Variants in ZNF793 observed in about 807,000 individuals in gnomAD.
ZNF793 encodes zinc finger protein 793.
ZNF793 carries 5 observed loss-of-function variants against 12.4 expected under a neutral mutation model. The ratio of observed to expected loss-of-function variants is 0.40; its 90% confidence interval spans 0.21 to 0.84. The LOEUF (loss-of-function observed/expected upper bound fraction) is 0.84, where lower values mean the gene tolerates loss of function less well. Among genes scored for constraint, ZNF793 ranks in the 40% least tolerant of loss-of-function variants. The pLI, the probability that ZNF793 is intolerant of heterozygous loss-of-function variation, is 0.35. For missense variants in ZNF793, 456 were observed against 495.0 expected (o/e 0.92, Z 0.75); for synonymous variants, 162 against 172.4 (o/e 0.94, Z 0.47).
intron 2 of ZNF793, among the ~76,000 whole-genome samples, chr19:37,509,788 A>C (rs928131037): frequency 6.6e-6 from 1 of 152,208 alleles, no homozygotes; most frequent in African/African-American, 2.4e-5. Context: ...AGCTCAATGA[A>C]TTGTCACAAG....
intron 5 of ZNF793, among the ~76,000 whole-genome samples, chr19:37,526,578 G>A (rs986438116): frequency 6.6e-6 from 1 of 152,194 alleles, no homozygotes; most frequent in African/African-American, 2.4e-5. Flanking sequence ...GTGTTGTTCT[G>A]GCATCAGGGA....
In ZNF793 at chr19:37,526,627, A is replaced by G. The variant is rs192838398; in HGVS notation, c.15+3173A>G. 2.4e-4 allele frequency among the ~76,000 whole-genome samples: 37 copies of G among 152,236 alleles called. No individual in the cohort carries two copies. In the East Asian group the frequency reaches 5.2e-3, roughly 22 times the overall value. The stretch of plus-strand genomic sequence containing the variant: ...GCACCCCCTGTGCGCTGTGCCCTCT[A>G]TGTGAGTCTTAGTGTGTCATGTGCC... On this transcript the variant is annotated intron_variant, in intron 5 of 7. Transcript: ENST00000627814.
At position 37,536,953 on chromosome 19, in the gene ZNF793, C is replaced by G; in HGVS notation, c.295C>G (p.Pro99Ala). 1 of 1,613,394 alleles carries G rather than the reference C, an allele frequency of 6.2e-7. No homozygotes were observed. Among genetic ancestry groups the G allele is most frequent in the South Asian group, 1.1e-5 (1 of 90,828 alleles). ...AAGACGGCAAGACATGCTTTTGAGG[C>G]CAGGCGCAGCCATAAGCAAGAAAAC... is the stretch of plus-strand genomic sequence containing the variant. ...RKRRQDMLLR[P>A]GAAISKKTLP... Residue 99 changes from proline to alanine, a missense_variant, in exon 8 of 8, where the codon CCA (proline) becomes GCA (alanine). Transcript: ENST00000627814.
intron 2 of ZNF793, among the ~76,000 whole-genome samples, chr19:37,516,345 G>A (rs531673121): frequency 2.6e-5 from 4 of 152,210 alleles, no homozygotes; most frequent in African/African-American, 9.6e-5. Flanking sequence ...ATGTCAGTCA[G>A]GCTGGTCTCA....
intron 2 of ZNF793, among the ~76,000 whole-genome samples, chr19:37,511,033 T>G (rs1600403218): frequency 6.6e-6 from 1 of 152,126 alleles, no homozygotes; most frequent in East Asian, 2.0e-4. Context: ...ATAATACACA[T>G]GTAGTGAAGT....
At position 37,520,390 on chromosome 19, in the gene ZNF793, T is replaced by G. The variant is rs913956154; in HGVS notation, c.-147+78T>G. The G allele has an allele frequency of 3.3e-5, 5 of 152,330 alleles. 1 individual carries two copies. The highest frequency in any genetic ancestry group is 3.4e-3 in the Middle Eastern group (1 of 294). 9.4% of individuals were successfully genotyped at this position (152,330 alleles called of 1,614,324 possible). A position where few individuals can be genotyped will look rare whatever the true frequency, so the allele number is the denominator to read the frequency against. On this transcript the variant is annotated intron_variant, in intron 3 of 7. Coordinates refer to ENST00000627814, the MANE Select transcript of ZNF793 (RefSeq NM_001013659.3). ...AGACACTGTCCAGGAGAAGGGAACTTGGGATGAAAATTCCCTTCTGAAGGA... is the reference window on the plus strand; with the variant it reads ...AGACACTGTCCAGGAGAAGGGAACTGGGGATGAAAATTCCCTTCTGAAGGA...
At chr19:37,514,657 C>CT (rs926694620) in intron 2 of ZNF793, among the ~76,000 whole-genome samples, 31 of 147,366 alleles carry the variant, frequency 2.1e-4, no homozygotes, top group Admixed American at 5.4e-4. Flanking sequence ...TTACCCAACC[C>CT]TTTTTTTTTT....
Position 37,537,996 on chromosome 19 carries a change from C to T in ZNF793, c.*117C>T. On this transcript the variant is annotated 3_prime_UTR_variant, in exon 8 of 8. Transcript: ENST00000627814. Reference sequence around the variant, plus strand: ...GCGCGATCTCGGCTTACTGCAAGCTCTGCCTCCCGGGTTCACGCCATTCTC... The same window carrying T: ...GCGCGATCTCGGCTTACTGCAAGCTTTGCCTCCCGGGTTCACGCCATTCTC... 2 of 1,273,538 alleles carry T rather than the reference C, an allele frequency of 1.6e-6. No homozygotes were observed. Among genetic ancestry groups the T allele is most frequent in the East Asian group, 2.6e-5 (1 of 38,698 alleles). 78.9% of individuals were successfully genotyped at this position (1,273,538 alleles called of 1,614,324 possible).
chr19:37,524,632 T>A (rs1336566917), intron 5 of ZNF793, among the ~76,000 whole-genome samples: 2 of 152,162 alleles, frequency 1.3e-5, no homozygotes, highest in Non-Finnish European at 2.9e-5. Context: ...TTTTTGAAGG[T>A]GTTTTCCAAG....
At chr19:37,520,862 T>G (rs893516190) in intron 3 of ZNF793, among the ~76,000 whole-genome samples, 31 of 152,190 alleles carry the variant, frequency 2.0e-4, no homozygotes, top group African/African-American at 7.5e-4. Flanking sequence ...GGTGGCAGAA[T>G]TTATGGACCT....
chr19:37,540,579 A>C lies in ZNF793; in HGVS notation c.*2700A>C, dbSNP rs928347351. 8.9e-6 allele frequency: 1 copy of C among 111,896 alleles called. No homozygotes were observed. The highest frequency in any genetic ancestry group is 2.8e-5 in the African/African-American group (1 of 36,288). The allele number at this position is 111,896 out of a possible 1,614,324, so 6.9% of individuals were successfully genotyped here. On this transcript the variant is annotated 3_prime_UTR_variant, in exon 8 of 8. Transcript: ENST00000627814. ...TCTTAAAAAAAATTTTTTTTAACCC[A>C]AACCCCAAAGCATATATTATGCCAA... is the stretch of plus-strand genomic sequence containing the variant.
rs761241629 is a variant in ZNF793 at position 37,537,512 on chromosome 19, GT to G, written c.862del (p.Cys288ValfsTer113). 4 of 1,613,768 alleles carry G rather than the reference GT, an allele frequency of 2.5e-6. No homozygotes were observed. The highest frequency in any genetic ancestry group is 1.1e-5 in the South Asian group (1 of 91,056). ...CACACTGGGGTAAGACCCTTTGAATGTTTTTTTTGTGGGAAAGCCTTTACCC... is the reference window on the plus strand; with the variant it reads ...CACACTGGGGTAAGACCCTTTGAATGTTTTTTTGTGGGAAAGCCTTTACCC... ...RIHTGVRPFE[C>X]FFCGKAFTQK... On this transcript the variant is annotated frameshift_variant, in exon 8 of 8. Coordinates refer to ENST00000627814, the MANE Select transcript of ZNF793 (RefSeq NM_001013659.3). LOFTEE classifies it low-confidence loss of function (END_TRUNC).
At chr19:37,529,641 C>G (rs2042442160) in intron 5 of ZNF793, among the ~76,000 whole-genome samples, 1 of 152,058 alleles carries the variant, frequency 6.6e-6, no homozygotes, top group Non-Finnish European at 1.5e-5. Context: ...TACAGGCACG[C>G]ACAACCACAC....
At chr19:37,513,346 T>G (rs1388850156) in intron 2 of ZNF793, among the ~76,000 whole-genome samples, 1 of 152,242 alleles carries the variant, frequency 6.6e-6, no homozygotes, top group Admixed American at 6.5e-5. Flanking sequence ...GTGTCCTTCC[T>G]TCTGTATTTA....
At chr19:37,524,111 T>C (rs760559517) in intron 5 of ZNF793, among the ~76,000 whole-genome samples, 11 of 150,360 alleles carry the variant, frequency 7.3e-5, no homozygotes, top group Non-Finnish European at 1.2e-4. Flanking sequence ...GATGGCACCA[T>C]TGCACTCCAG....
chr19:37,534,318 A>G (rs990701983), intron 7 of ZNF793: 6 of 152,064 alleles, frequency 3.9e-5, no homozygotes, highest in Non-Finnish European at 8.8e-5. Context: ...AGAGTACATG[A>G]TTCTCACAAC....
At position 37,543,221 on chromosome 19, in the gene ZNF793, C is replaced by A. The variant is rs942139442; in HGVS notation, c.*5342C>A. The A allele has an allele frequency of 1.3e-5, 2 of 152,120 alleles. No individual in the cohort carries two copies. The highest frequency in any genetic ancestry group is 4.8e-5 in the African/African-American group (2 of 41,428). The allele number at this position is 152,120 out of a possible 1,614,324, so 9.4% of individuals were successfully genotyped here. ...CGAAGGTGTTAACATTCATTGGTTA[C>A]CTTGGTGGAGAAGGGTAATAAGTTT... On this transcript the variant is annotated 3_prime_UTR_variant, in exon 8 of 8. Transcript: ENST00000627814.
intron 2 of ZNF793, among the ~76,000 whole-genome samples, chr19:37,518,245 C>T (rs1029550432): frequency 2.0e-5 from 3 of 152,046 alleles, no homozygotes; most frequent in Non-Finnish European, 4.4e-5. Context: ...CCTGCCTCAG[C>T]CTCCCGAGTA....
In ZNF793 at chr19:37,537,268, A is replaced by G. The variant is rs2042513705; in HGVS notation, c.610A>G (p.Met204Val). The G allele has an allele frequency of 3.7e-6, 6 of 1,613,908 alleles. 1 individual carries two copies. The change falls in exon 8 of 8, where the codon ATG becomes GTG. Residue 204 changes from methionine to valine, a missense_variant. Met to Val is a conservative substitution (Grantham distance 21, BLOSUM62 1). Transcript: ENST00000627814. ...EKAFTQNPAL[M>V]YKPAVSDSLL... ...AGCTTTCACCCAGAACCCGGCACTT[A>G]TGTATAAACCAGCAGTAAGTGATTC...
Sources: gnomAD v4.1 joint callset for allele counts (sites outside exome capture counted in the v4.1 genomes callset) on GRCh38, gnomAD v4.1.1 for gene constraint, MANE v1.5 for transcripts, NCBI Gene and HGNC (gene_info 2026-07-23, HGNC 2026-07-21) for gene names.